Variants in KHNYN observed in about 807,000 individuals in gnomAD.
KHNYN encodes protein KHNYN.
KHNYN carries 42 observed loss-of-function variants against 62.7 expected under a neutral mutation model. The observed-to-expected ratio is 0.67, with a 90% CI of 0.52 to 0.87. The LOEUF (loss-of-function observed/expected upper bound fraction) is 0.87, where lower values mean the gene tolerates loss of function less well. Ranked by LOEUF, KHNYN falls within the 40% of genes least tolerant of loss-of-function variation. The probability of loss-of-function intolerance (pLI) is 0.00; values close to 1 mark genes in which losing one functional copy is unlikely to be tolerated. For missense variants in KHNYN, 829 were observed against 874.1 expected (o/e 0.95, Z 0.65); for synonymous variants, 347 against 345.6 (o/e 1.00, Z -0.04).
At position 24,430,130 on chromosome 14, in the gene KHNYN, C is replaced by T. The variant is rs2043076492; in HGVS notation, c.-18+11C>T. 1 of 983,920 alleles carries T rather than the reference C, an allele frequency of 1.0e-6. No homozygotes were observed. Among genetic ancestry groups the T allele is most frequent in the Non-Finnish European group, 1.2e-6 (1 of 829,082 alleles). 60.9% of individuals were successfully genotyped at this position (983,920 alleles called of 1,614,324 possible). ...CGGGCGGCGGAGGCGGTAGGCGCGC[C>T]CCTCCACCGCGCCCGGGAGCGGGGA... On this transcript the variant is annotated intron_variant, in intron 1 of 7. Transcript: ENST00000553935.
chr14:24,429,575 G>C, upstream of KHNYN: 1 of 584,508 alleles, frequency 1.7e-6, no homozygotes, highest in Non-Finnish European at 2.6e-6. Flanking sequence ...ACTCCACCAC[G>C]GGTACCCTCC....
chr14:24,428,720 T>C (rs2139371313), upstream of KHNYN: 9 of 1,536,700 alleles, frequency 5.9e-6, no homozygotes, highest in Non-Finnish European at 7.9e-6. Context: ...TTGCAGGGTC[T>C]TTCCAGGTCC....
At chr14:24,423,243 A>G in the KHNYN span, among the ~76,000 whole-genome samples, 1 of 152,224 alleles carries the variant, frequency 6.6e-6, no homozygotes, top group African/African-American at 2.4e-5. Context: ...GAGGATAACT[A>G]TACCTATATC....
Position 24,440,219 on chromosome 14 carries a change from AC to A in KHNYN, c.*2936del. On this transcript the variant is annotated 3_prime_UTR_variant, in exon 8 of 8. Coordinates refer to ENST00000553935, the MANE Select transcript of KHNYN (RefSeq NM_015299.3). ...ACGCTGTCGCCCAAAGACAGCTTGC[AC>A]CACAGCGCTGGGGAGAGGGATGAAG... is the stretch of plus-strand genomic sequence containing the variant. 1 of 1,613,976 alleles carries A rather than the reference AC, an allele frequency of 6.2e-7. No individual in the cohort carries two copies. Among genetic ancestry groups the A allele is most frequent in the Non-Finnish European group, 8.5e-7 (1 of 1,179,828 alleles).
upstream of KHNYN, chr14:24,426,476 TTTCAAAACCACAAA>T (rs2043021225): frequency 6.6e-6 from 1 of 152,064 alleles, no homozygotes; most frequent in South Asian, 2.1e-4. Flanking sequence ...AGTTATTTCT[TTTCAAAACCACAAA>T]TTCACCTTGG....
chr14:24,432,847 T>G lies in KHNYN; in HGVS notation c.1475T>G (p.Val492Gly). The G allele has an allele frequency of 6.2e-7, 1 of 1,614,234 alleles. No homozygotes were observed. The highest frequency in any genetic ancestry group is 1.1e-5 in the South Asian group (1 of 91,082). ...PQWRFSKDAKVRESHFLQKLY... is the reference protein window; with the variant it reads ...PQWRFSKDAKGRESHFLQKLY... ...TGGCGCTTCAGTAAGGATGCCAAAG[T>G]CAGAGGTGAGTTGGGCCTGGTCTTC... The change falls in exon 4 of 8, where the codon GTC becomes GGC. Residue 492 changes from valine (V) to glycine (G), a missense_variant. Coordinates refer to ENST00000553935, the MANE Select transcript of KHNYN (RefSeq NM_015299.3). This position sits in a 1 kb window ranked among gnomAD's most constrained non-coding sequence, Gnocchi z 5.6.
chr14:24,432,478 G>C lies in KHNYN; in HGVS notation c.1217G>C (p.Gly406Ala), dbSNP rs1327482892. 1 of 1,613,616 alleles carries C rather than the reference G, an allele frequency of 6.2e-7. No homozygotes were observed. Among genetic ancestry groups the C allele is most frequent in the Admixed American group, 1.7e-5 (1 of 60,000 alleles). Residue 406 changes from glycine (G) to alanine (A), a missense_variant, in exon 3 of 8, where the codon GGG (glycine) becomes GCG (alanine). Around this residue, in one of 2 missense-constraint regions of KHNYN, gnomAD observed 559 missense variants for 527.0 expected, o/e 1.06. Transcript: ENST00000553935. The surrounding 1 kb of genome is among the most constrained non-coding windows in gnomAD (Gnocchi z 5.6). ...CCTCAATGGAAACGAGGCGCCCGAG[G>C]GGGCAACTTGGTGACTGGCACACAG... ...RGPQWKRGAR[G>A]GNLVTGTQRF...
intron 5 of KHNYN, chr14:24,434,430 G>A (rs2043174067): frequency 1.1e-6 from 1 of 951,770 alleles, no homozygotes; most frequent in Admixed American, 6.2e-5. Flanking sequence ...TTTTGAGACG[G>A]AGCCTTGCTC....
At position 24,437,186 on chromosome 14, in the gene KHNYN, T is replaced by C; in HGVS notation, c.1938T>C (p.Phe646=). ...ERLRRQLLEV[F]WGQDHKVDFI... is the part of the protein sequence containing the mutation. ...TCCGGCGGCAGCTGCTGGAGGTGTTTTGGGGTCAGGATCACAAAGTGGACT... is the reference window on the plus strand; with the variant it reads ...TCCGGCGGCAGCTGCTGGAGGTGTTCTGGGGTCAGGATCACAAAGTGGACT... Residue 646 remains phenylalanine (F), a synonymous_variant, in exon 8 of 8, where the codon TTT becomes TTC. Transcript: ENST00000553935. This position sits in a 1 kb window ranked among gnomAD's most constrained non-coding sequence, Gnocchi z 5.5. The C allele has an allele frequency of 6.2e-7, 1 of 1,614,112 alleles. No individual in the cohort carries two copies. The highest frequency in any genetic ancestry group is 8.5e-7 in the Non-Finnish European group (1 of 1,180,004).
Position 24,440,620 on chromosome 14 carries a change from G to A in KHNYN, c.*3335G>A, listed in dbSNP as rs574135166. 57 of 1,362,670 alleles carry A rather than the reference G, an allele frequency of 4.2e-5. No homozygotes were observed. The South Asian group carries it at 6.1e-4, about 15-fold the overall frequency. 84.4% of individuals were successfully genotyped at this position (1,362,670 alleles called of 1,614,324 possible). ...CTTGGCTCTGTAACAGAAGTGAGCAGTATGGCTGTCTTTAAGACCTCACAC... is the reference window on the plus strand; with the variant it reads ...CTTGGCTCTGTAACAGAAGTGAGCAATATGGCTGTCTTTAAGACCTCACAC... On this transcript the variant is annotated 3_prime_UTR_variant, in exon 8 of 8. Transcript: ENST00000553935.
rs748454766 is a variant in KHNYN at position 24,437,124 on chromosome 14, A to G, written c.1876A>G (p.Ser626Gly). ...QQQGREEEKGSGGIRKTRETE... is the reference protein window; with the variant it reads ...QQQGREEEKGGGGIRKTRETE... Reference sequence around the variant, plus strand: ...GCAGGGGAGAGAAGAGGAAAAAGGTAGTGGTGGCATTCGGAAGACCCGGGA... The same window carrying G: ...GCAGGGGAGAGAAGAGGAAAAAGGTGGTGGTGGCATTCGGAAGACCCGGGA... Residue 626 changes from serine (S) to glycine (G), a missense_variant, in exon 8 of 8, where the codon AGT becomes GGT. Ser to Gly is a moderately conservative substitution (Grantham distance 56). Around this residue, in one of 2 missense-constraint regions of KHNYN, gnomAD observed 270 missense variants for 347.1 expected, o/e 0.78. Transcript: ENST00000553935. The surrounding 1 kb of genome is among the most constrained non-coding windows in gnomAD (Gnocchi z 5.5). The G allele has an allele frequency of 1.3e-5, 21 of 1,614,048 alleles. 1 individual carries two copies. The Middle Eastern group carries it at 1.6e-3, about 126-fold the overall frequency.
At chr14:24,427,760 G>T (rs779513102), upstream of KHNYN, 46 of 1,608,558 alleles carry the variant, frequency 2.9e-5, no homozygotes, top group Non-Finnish European at 3.7e-5. This position sits in a 1 kb window ranked among gnomAD's most constrained non-coding sequence, Gnocchi z 4.4. Context: ...GTCAGGGGCT[G>T]GATTCTTGTG....
upstream of KHNYN, chr14:24,428,167 C>A: frequency 7.0e-7 from 1 of 1,436,400 alleles, no homozygotes. Context: ...CCATTCCTCC[C>A]CTGGTCCTGG....
rs1483924797 is a variant in KHNYN at position 24,431,668 on chromosome 14, A to G, written c.407A>G (p.Glu136Gly). Residue 136 changes from glutamate (E) to glycine (G), a missense_variant, in exon 3 of 8, where the codon GAA (glutamate) becomes GGA (glycine). Around this residue, in one of 2 missense-constraint regions of KHNYN, gnomAD observed 559 missense variants for 527.0 expected, o/e 1.06. Coordinates refer to ENST00000553935, the MANE Select transcript of KHNYN (RefSeq NM_015299.3). The stretch of plus-strand genomic sequence containing the variant: ...TTTGTCATGGCTCAGAGCCGGGTAG[A>G]AGAGCTGGCAGAGCGGCTGAGCTGG... Reference protein sequence around the residue: ...EAFVMAQSRVEELAERLSWDF... With the variant: ...EAFVMAQSRVGELAERLSWDF... The G allele has an allele frequency of 6.2e-7, 1 of 1,614,026 alleles. No homozygotes were observed. The highest frequency in any genetic ancestry group is 1.3e-5 in the African/African-American group (1 of 74,938).
At chr14:24,435,624 TG>T (rs1335778951) in intron 5 of KHNYN, 1 of 166,364 alleles carries the variant, frequency 6.0e-6, no homozygotes, top group Non-Finnish European at 1.3e-5. Context: ...AGGGATTGGT[TG>T]GGCAGGGTGG....
chr14:24,427,573 G>C (rs1472321364), upstream of KHNYN: 4 of 565,842 alleles, frequency 7.1e-6, no homozygotes, highest in Non-Finnish European at 1.3e-5. This position sits in a 1 kb window ranked among gnomAD's most constrained non-coding sequence, Gnocchi z 4.4. Flanking sequence ...AGGTGGCTGG[G>C]AGGGTAACTG....
rs1453450687 is a variant in KHNYN, at chr14:24,430,117, G to A, written c.-20G>A. ...CCTGAAGCCGGCGCGGGCGGCGGAG[G>A]CGGTAGGCGCGCCCCTCCACCGCGC... On this transcript the variant is annotated splice_region_variant and 5_prime_UTR_variant, in exon 1 of 8. Coordinates refer to ENST00000553935, the MANE Select transcript of KHNYN (RefSeq NM_015299.3). 10 of 984,968 alleles carry A rather than the reference G, an allele frequency of 1.0e-5. No individual in the cohort carries two copies. Among genetic ancestry groups the A allele is most frequent in the African/African-American group, 1.8e-5 (1 of 57,108 alleles). 61.0% of individuals were successfully genotyped at this position (984,968 alleles called of 1,614,324 possible). A position where few individuals can be genotyped will look rare whatever the true frequency, so the allele number is the denominator to read the frequency against.
chr14:24,429,920 A>C, upstream of KHNYN: 1 of 1,001,158 alleles, frequency 1.0e-6, no homozygotes, highest in Admixed American at 5.6e-5. Flanking sequence ...AGCTGGGCTG[A>C]CTCCGCCCCA....
upstream of KHNYN, chr14:24,428,209 C>T: frequency 6.3e-7 from 1 of 1,578,316 alleles, no homozygotes; most frequent in South Asian, 1.1e-5. Flanking sequence ...GAGAGTCCAC[C>T]CGGAGGTCAG....
Sources: gnomAD v4.1 joint callset for allele counts (sites outside exome capture counted in the v4.1 genomes callset) on GRCh38, gnomAD v4.1.1 for gene constraint, gnomAD v4.1.1 regional missense constraint, Gnocchi (gnomAD v3.1) non-coding constraint, MANE v1.5 for transcripts, NCBI Gene and HGNC (gene_info 2026-07-23, HGNC 2026-07-21) for gene names.